Variants in CRB1 observed in about 807,000 individuals in gnomAD.
CRB1 encodes the protein crumbs cell polarity complex component 1, also known as protein crumbs homolog 1.
A neutral mutation model predicts 120.0 loss-of-function variants in CRB1; 83 were observed. The ratio of observed to expected loss-of-function variants is 0.69; its 90% CI spans 0.58 to 0.83. CRB1 has a LOEUF of 0.83. Among genes scored for constraint, CRB1 ranks in the 40% least tolerant of loss-of-function variants. CRB1 has a pLI of 0.00. For synonymous variants in CRB1, 625 were observed against 612.5 expected (o/e 1.02, Z -0.30); for missense variants, 1,699 against 1,687.6 (o/e 1.01, Z -0.12).
At chr1:197,467,667 AT>A (rs1259006248) in intron 11 of CRB1, among the ~76,000 whole-genome samples, 1 of 152,222 alleles carries the variant, frequency 6.6e-6, no homozygotes, top group Admixed American at 6.5e-5. Flanking sequence ...TATAAAATCA[AT>A]TGGCATATTT....
upstream of CRB1, among the ~76,000 whole-genome samples, chr1:197,267,011 A>C (rs1008690498): frequency 1.3e-5 from 2 of 152,202 alleles, no homozygotes; most frequent in Non-Finnish European, 2.9e-5. Context: ...AATAAAGATG[A>C]AAAGAGACTT....
intron 1 of CRB1, among the ~76,000 whole-genome samples, chr1:197,312,264 C>G (rs1230057369): frequency 6.6e-6 from 1 of 152,100 alleles, no homozygotes; most frequent in Non-Finnish European, 1.5e-5. Flanking sequence ...CTCTGTCAGT[C>G]ATAAAACATT....
At chr1:197,362,515 G>C (rs1381112767) in intron 5 of CRB1, among the ~76,000 whole-genome samples, 1 of 152,040 alleles carries the variant, frequency 6.6e-6, no homozygotes, top group Non-Finnish European at 1.5e-5. Flanking sequence ...TCTTCTTTCA[G>C]TTCTATCAAT....
At chr1:197,379,603 G>A (rs1162219553) in intron 5 of CRB1, among the ~76,000 whole-genome samples, 5 of 79,546 alleles carry the variant, frequency 6.3e-5, no homozygotes, top group Admixed American at 1.6e-4. Context: ...CCCGGCCCCG[G>A]CCAAAAAAAA....
rs766850702 is a variant in CRB1, at chr1:197,477,654, A to G, written c.4006-10A>G. 19 of 1,612,816 alleles carry G rather than the reference A, an allele frequency of 1.2e-5. No homozygotes were observed. The highest frequency in any genetic ancestry group is 5.3e-5 in the African/African-American group (4 of 74,834). On this transcript the variant is annotated splice_polypyrimidine_tract_variant and intron_variant, in intron 11 of 11. Coordinates refer to ENST00000367400, the MANE Select transcript of CRB1 (RefSeq NM_201253.3). ...TAGAATTCGCATCCCAATGATTTCA[A>G]TCTTTCCAGTTGGCAGATGACTTGA...
At chr1:197,231,390 G>A in the CRB1 span, among the ~76,000 whole-genome samples, 1 of 152,068 alleles carries the variant, frequency 6.6e-6, no homozygotes, top group Non-Finnish European at 1.5e-5. Context: ...CTCTTATAAG[G>A]TATTCCACAT....
chr1:197,428,864 C>T lies in CRB1; in HGVS notation c.2677-585C>T. 12 of 1,149,478 alleles carry T rather than the reference C, an allele frequency of 1.0e-5. 1 individual carries two copies. In the South Asian group the frequency reaches 1.9e-4, roughly 19 times the overall value. The allele number at this position is 1,149,478 out of a possible 1,614,324, so 71.2% of individuals were successfully genotyped here. A position where few individuals can be genotyped will look rare whatever the true frequency, so the allele number is the denominator to read the frequency against. On this transcript the variant is annotated intron_variant, in intron 7 of 11. Transcript: ENST00000367400. ...TCATATGTTAATAGTAGACCCAGGA[C>T]AAACACAGTTCATGCTCTAATAAAT...
At chr1:197,293,693 T>C (rs1656340685) in intron 1 of CRB1, among the ~76,000 whole-genome samples, 1 of 152,094 alleles carries the variant, frequency 6.6e-6, no homozygotes, top group South Asian at 2.1e-4. Flanking sequence ...CAAAACAGCA[T>C]GGTACTGGTT....
In CRB1 at chr1:197,347,425, A is replaced by G. The variant is rs768247556; in HGVS notation, c.934A>G (p.Asn312Asp). ...MPLCWSKPCH[N>D]NATCEDSVDN... ...TCTTTGTTGGTCAAAACCTTGTCAC[A>G]ATAATGCTACATGTGAGGACAGTGT... The change falls in exon 4 of 12, where the codon AAT becomes GAT. Residue 312 changes from asparagine (N) to aspartate (D), a missense_variant. Transcript: ENST00000367400. 6.2e-7 allele frequency: 1 copy of G among 1,614,186 alleles called. No homozygotes were observed. Among genetic ancestry groups the G allele is most frequent in the South Asian group, 1.1e-5 (1 of 91,084 alleles).
chr1:197,268,185 G>A (rs1654704487), upstream of CRB1: 7 of 500,976 alleles, frequency 1.4e-5, no homozygotes, highest in Non-Finnish European at 2.5e-5. Context: ...TCTGCACCAG[G>A]TTTGAAAAAT....
At chr1:197,223,990 GTACTATGGT>G in the CRB1 span, among the ~76,000 whole-genome samples, 2 of 152,098 alleles carry the variant, frequency 1.3e-5, no homozygotes, top group African/African-American at 4.8e-5. Context: ...CCTGTGTAAG[GTACTATGGT>G]TTGTGGTCCA....
In CRB1 at chr1:197,317,575, A is replaced by G. The variant is rs571216396; in HGVS notation, c.71-10847A>G. On this transcript the variant is annotated intron_variant, in intron 1 of 11. Coordinates refer to ENST00000367400, the MANE Select transcript of CRB1 (RefSeq NM_201253.3). ...CAAAAATAACACGGTTGGATACATC[A>G]CATGACCTGACTTCAAAATATACCA... Among the ~76,000 whole-genome samples, 64 of 152,318 alleles carry G rather than the reference A, an allele frequency of 4.2e-4. No individual in the cohort carries two copies. The South Asian group carries it at 0.013, about 31-fold the overall frequency.
intron 1 of CRB1, among the ~76,000 whole-genome samples, chr1:197,307,259 A>C (rs1657228119): frequency 6.6e-6 from 1 of 152,182 alleles, no homozygotes; most frequent in South Asian, 2.1e-4. Flanking sequence ...AAGCAGCTAA[A>C]ACCTTGAGCA....
the CRB1 span, among the ~76,000 whole-genome samples, chr1:197,231,910 T>C: frequency 6.6e-6 from 1 of 152,196 alleles, no homozygotes; most frequent in East Asian, 1.9e-4. Context: ...ATGTCCTAAT[T>C]CTCGGAACCT....
chr1:197,448,591 C>G (rs1665812093), intron 11 of CRB1, among the ~76,000 whole-genome samples: 1 of 152,224 alleles, frequency 6.6e-6, no homozygotes. Context: ...GCTGCCACAG[C>G]TCTTCCCTTA....
intron 1 of CRB1, among the ~76,000 whole-genome samples, chr1:197,314,733 C>G (rs1393589340): frequency 1.3e-5 from 2 of 152,068 alleles, no homozygotes; most frequent in African/African-American, 4.8e-5. Context: ...GTGGTCTCTA[C>G]TCCTAAAGAA....
At chr1:197,433,493 G>A (rs1664974327) in intron 8 of CRB1, among the ~76,000 whole-genome samples, 1 of 152,048 alleles carries the variant, frequency 6.6e-6, no homozygotes, top group South Asian at 2.1e-4. Flanking sequence ...TTAGTGAAGT[G>A]ACTGGGACAA....
intron 11 of CRB1, among the ~76,000 whole-genome samples, chr1:197,458,836 A>C (rs1160474120): frequency 1.3e-5 from 2 of 152,160 alleles, no homozygotes; most frequent in African/African-American, 4.8e-5. Context: ...AAGAAACTAC[A>C]AAACATCCTG....
At chr1:197,403,140 G>T (rs1663152823) in intron 5 of CRB1, among the ~76,000 whole-genome samples, 1 of 152,112 alleles carries the variant, frequency 6.6e-6, no homozygotes, top group South Asian at 2.1e-4. Flanking sequence ...TTAGCGTTAT[G>T]TTCCCTTTCT....
Sources: gnomAD v4.1 joint callset for allele counts (sites outside exome capture counted in the v4.1 genomes callset) on GRCh38, gnomAD v4.1.1 for gene constraint, MANE v1.5 for transcripts, NCBI Gene and HGNC (gene_info 2026-07-23, HGNC 2026-07-21) for gene names.